Variants in CA10 observed in about 807,000 individuals in gnomAD.
CA10 encodes the protein carbonic anhydrase 10 (inactive), also known as carbonic anhydrase-related protein 10.
A neutral mutation model predicts 44.2 loss-of-function variants in CA10; 14 were observed. That is an observed-to-expected ratio of 0.32 (90% CI 0.21 to 0.50). The LOEUF (loss-of-function observed/expected upper bound fraction) is 0.50, where lower values mean the gene tolerates loss of function less well. Among genes scored for constraint, CA10 ranks in the 20% least tolerant of loss-of-function variants. The probability of loss-of-function intolerance (pLI) is 0.99; values close to 1 mark genes in which losing one functional copy is unlikely to be tolerated. For synonymous variants in CA10, 159 were observed against 141.6 expected (o/e 1.12, Z -0.87); for missense variants, 350 against 409.7 (o/e 0.85, Z 1.26).
At chr17:52,153,309 T>C (rs150098255) in intron 1 of CA10, among the ~76,000 whole-genome samples, 1 of 152,214 alleles carries the variant, frequency 6.6e-6, no homozygotes, top group South Asian at 2.1e-4. Context: ...AGATAAATAG[T>C]CATTGTAAGG....
intron 1 of CA10, among the ~76,000 whole-genome samples, chr17:52,100,624 G>A (rs150107362): frequency 2.6e-5 from 4 of 152,118 alleles, no homozygotes; most frequent in South Asian, 2.1e-4. Context: ...ACGGAACTAC[G>A]TCTTATCCTG....
At chr17:51,677,171 G>T (rs1157946435) in intron 4 of CA10, among the ~76,000 whole-genome samples, 1 of 152,150 alleles carries the variant, frequency 6.6e-6, no homozygotes, top group African/African-American at 2.4e-5. Context: ...TTCAATAAAT[G>T]GTGGTGATAT....
chr17:52,005,995 C>A (rs1473822107), intron 2 of CA10, among the ~76,000 whole-genome samples: 1 of 151,800 alleles, frequency 6.6e-6, no homozygotes, highest in Non-Finnish European at 1.5e-5. Context: ...CAGAGAGCGT[C>A]CTTTGTTCTT....
chr17:51,703,612 A>T (rs745588478), intron 4 of CA10, among the ~76,000 whole-genome samples: 1 of 152,100 alleles, frequency 6.6e-6, no homozygotes, highest in Admixed American at 6.5e-5. Flanking sequence ...TACTGTTGAC[A>T]CTCAAGTAAT....
At chr17:51,920,288 T>C (rs575213454) in intron 3 of CA10, among the ~76,000 whole-genome samples, 2 of 151,878 alleles carry the variant, frequency 1.3e-5, no homozygotes, top group East Asian at 3.9e-4. Context: ...TGGTCATATG[T>C]ATACAGAACC....
intron 1 of CA10, among the ~76,000 whole-genome samples, chr17:52,124,643 C>T (rs1989081406): frequency 1.3e-5 from 2 of 152,148 alleles, no homozygotes; most frequent in South Asian, 4.1e-4. Context: ...GCTCATTATT[C>T]CCACAGTACC....
chr17:52,000,779 T>C (rs1363433709), intron 2 of CA10, among the ~76,000 whole-genome samples: 3 of 152,024 alleles, frequency 2.0e-5, no homozygotes. Flanking sequence ...AGGGTAATAA[T>C]AGTATCCCTT....
intron 3 of CA10, among the ~76,000 whole-genome samples, chr17:51,922,300 C>T (rs934255800): frequency 6.6e-6 from 1 of 152,184 alleles, no homozygotes; most frequent in Non-Finnish European, 1.5e-5. Flanking sequence ...CACCTTCTCA[C>T]ATTTATCTAC....
chr17:51,910,021 CTCT>C lies in CA10; in HGVS notation c.279+20966_279+20968del, dbSNP rs557026657. On this transcript the variant is annotated intron_variant, in intron 3 of 8. Transcript: ENST00000451037. Reference sequence around the variant, plus strand: ...TGCTTGCTTAATCTATCTGCTCCTCCTCTTATCGTCATCGTTTCTTTTCACATC... The same window carrying C: ...TGCTTGCTTAATCTATCTGCTCCTCCTATCGTCATCGTTTCTTTTCACATC... Among the ~76,000 whole-genome samples, 82 of 152,184 alleles carry C rather than the reference CTCT, an allele frequency of 5.4e-4. No individual in the cohort carries two copies. In the East Asian group the frequency reaches 0.012, roughly 23 times the overall value.
At chr17:51,709,933 T>C (rs1202224729) in intron 4 of CA10, among the ~76,000 whole-genome samples, 1 of 152,182 alleles carries the variant, frequency 6.6e-6, no homozygotes, top group African/African-American at 2.4e-5. Flanking sequence ...AGAAACCCCA[T>C]ACATTTCACT....
chr17:51,812,160 T>C (rs903406766), intron 3 of CA10, among the ~76,000 whole-genome samples: 5 of 152,210 alleles, frequency 3.3e-5, no homozygotes, highest in Non-Finnish European at 7.3e-5. Flanking sequence ...CTCATGCTGA[T>C]TGCCAAATTT....
chr17:52,029,445 G>C (rs1986398932), intron 2 of CA10, among the ~76,000 whole-genome samples: 1 of 152,116 alleles, frequency 6.6e-6, no homozygotes, highest in Non-Finnish European at 1.5e-5. Flanking sequence ...GAATAATCCT[G>C]TTCAGATTGA....
At chr17:52,069,061 A>C (rs2191412) in intron 2 of CA10, among the ~76,000 whole-genome samples, 150,736 of 152,278 alleles carry the variant, frequency 0.99, 74,621 homozygotes, top group South Asian at 1. Context: ...CTTTGGGGAC[A>C]TTGGTCTTTT....
At chr17:52,132,982 C>T (rs141483752) in intron 1 of CA10, among the ~76,000 whole-genome samples, 112 of 152,176 alleles carry the variant, frequency 7.4e-4, no homozygotes, top group African/African-American at 2.2e-3. Context: ...TCAGGAGTAG[C>T]GCAGAGGACC....
rs189992550 is a variant in CA10 at position 52,063,636 on chromosome 17, C to T, written c.136+8683G>A. Among the ~76,000 whole-genome samples the T allele has an allele frequency of 3.9e-5, 6 of 152,276 alleles. No individual in the cohort carries two copies. In the East Asian group the frequency reaches 1.2e-3, roughly 29 times the overall value. On this transcript the variant is annotated intron_variant, in intron 2 of 8. Transcript: ENST00000451037. Reference sequence around the variant, plus strand: ...TCTCTGTATCTCTTGCTTCCTCTCTCACCATGTGATCTTTGTACATGCTGC... The same window carrying T: ...TCTCTGTATCTCTTGCTTCCTCTCTTACCATGTGATCTTTGTACATGCTGC...
At chr17:52,018,826 T>A (rs1986048571) in intron 2 of CA10, among the ~76,000 whole-genome samples, 1 of 151,966 alleles carries the variant, frequency 6.6e-6, no homozygotes, top group Admixed American at 6.6e-5. Context: ...TGTTCAAATG[T>A]GACTTCCAGT....
chr17:52,003,037 G>C (rs1482465665), intron 2 of CA10, among the ~76,000 whole-genome samples: 2 of 151,910 alleles, frequency 1.3e-5, no homozygotes, highest in Non-Finnish European at 1.5e-5. Context: ...AATGAGGTTT[G>C]CTGTCTCCAA....
chr17:52,153,871 G>A (rs917705660), intron 1 of CA10, among the ~76,000 whole-genome samples: 1 of 152,144 alleles, frequency 6.6e-6, no homozygotes, highest in African/African-American at 2.4e-5. Flanking sequence ...TTAGTTGATA[G>A]AACAAACATG....
chr17:52,062,342 TAC>T (rs1716839592), intron 2 of CA10, among the ~76,000 whole-genome samples: 1 of 152,240 alleles, frequency 6.6e-6, no homozygotes, highest in South Asian at 2.1e-4. Context: ...ATGAAAAATT[TAC>T]AGTCTAGCAA....
Sources: allele counts gnomAD v4.1 joint callset (sites outside exome capture counted in the v4.1 genomes callset), GRCh38; gene constraint gnomAD v4.1.1; transcripts MANE v1.5; gene names NCBI Gene and HGNC (gene_info 2026-07-23, HGNC 2026-07-21).